IRS1: variants seen among roughly 807,000 people sequenced by gnomAD.
IRS1 encodes insulin receptor substrate 1.
Under a neutral mutation model 65.6 loss-of-function variants are expected in IRS1, and 34 were observed. The observed-to-expected ratio is 0.52, with a 90% confidence interval of 0.39 to 0.69. IRS1 has a LOEUF of 0.69. Among genes scored for constraint, IRS1 ranks in the 30% least tolerant of loss-of-function variants. The pLI, the probability that IRS1 is intolerant of heterozygous loss-of-function variation, is 0.00. For missense variants in IRS1, 1,641 were observed against 1,720.2 expected, an observed-to-expected ratio of 0.95 and a Z score of 0.81; for synonymous variants, 699 against 683.5, an observed-to-expected ratio of 1.02 and a Z score of -0.35.
At chr2:226,759,991 G>A (rs1054698012) in intron 1 of IRS1, among the ~76,000 whole-genome samples, 21 of 152,094 alleles carry the variant, frequency 1.4e-4, no homozygotes, top group African/African-American at 5.1e-4. Context: ...CCTGGCCAAC[G>A]TGGCAAAACC....
At chr2:226,743,526 A>C (rs967665587) in intron 1 of IRS1, among the ~76,000 whole-genome samples, 2 of 152,192 alleles carry the variant, frequency 1.3e-5, no homozygotes. Flanking sequence ...CATCGTGCTC[A>C]GCCAGGAAGC....
chr2:226,791,118 T>C (rs551617484), intron 1 of IRS1, among the ~76,000 whole-genome samples: 2 of 152,296 alleles, frequency 1.3e-5, no homozygotes, highest in African/African-American at 2.4e-5. Flanking sequence ...TCTGGTGCTT[T>C]GCAGTAAAGT....
intron 1 of IRS1, among the ~76,000 whole-genome samples, chr2:226,746,838 G>T: frequency 7.1e-6 from 1 of 140,776 alleles, no homozygotes; most frequent in Non-Finnish European, 1.5e-5. Flanking sequence ...CACCCAGGCT[G>T]GGCTGCAGTG....
intron 1 of IRS1, among the ~76,000 whole-genome samples, chr2:226,775,308 T>C (rs1390448611): frequency 6.6e-6 from 1 of 152,226 alleles, no homozygotes; most frequent in Non-Finnish European, 1.5e-5. Flanking sequence ...TTGTTTCCCA[T>C]GGGGCTAGAG....
In IRS1 at chr2:226,796,248, G is replaced by A; in HGVS notation, c.2491C>T (p.His831Tyr). Residue 831 changes from histidine (H) to tyrosine (Y), a missense_variant, in exon 1 of 2, where the codon CAT (histidine) becomes TAT (tyrosine). Around this residue, in one of 3 missense-constraint regions of IRS1, gnomAD observed 1,324 missense variants for 1,361.0 expected, o/e 0.97. Transcript: ENST00000305123. ...CGARLEPSLPHPHHQVLQPHL... is the reference protein window; with the variant it reads ...CGARLEPSLPYPHHQVLQPHL... ...GGCTGCAGAACCTGATGGTGGGGAT[G>A]TGGAAGGCTGGGCTCCAGCCTAGCC... 1.2e-6 allele frequency: 2 copies of A among 1,613,506 alleles called. No homozygotes were observed. Among genetic ancestry groups the A allele is most frequent in the Non-Finnish European group, 1.7e-6 (2 of 1,179,982 alleles).
intron 1 of IRS1, among the ~76,000 whole-genome samples, chr2:226,750,826 G>A (rs1938663701): frequency 6.6e-6 from 1 of 152,170 alleles, no homozygotes; most frequent in African/African-American, 2.4e-5. Flanking sequence ...AGGATCTGCT[G>A]GGGATTTTGT....
chr2:226,751,485 G>A (rs1445133165), intron 1 of IRS1, among the ~76,000 whole-genome samples: 4 of 151,838 alleles, frequency 2.6e-5, no homozygotes, highest in South Asian at 2.1e-4. Flanking sequence ...GGGTTTCACC[G>A]TGTTAGCCAG....
intron 1 of IRS1, among the ~76,000 whole-genome samples, chr2:226,772,053 G>C (rs2106172215): frequency 6.6e-6 from 1 of 152,196 alleles, no homozygotes; most frequent in East Asian, 1.9e-4. Flanking sequence ...CTGAACAAGA[G>C]ACTCAACACT....
intron 1 of IRS1, among the ~76,000 whole-genome samples, chr2:226,757,213 A>T (rs1938822408): frequency 6.6e-6 from 1 of 152,184 alleles, no homozygotes; most frequent in Admixed American, 6.5e-5. Context: ...AGAAGCTTTC[A>T]CTACTAGAGG....
chr2:226,778,884 CTTCT>C (rs1384869441), intron 1 of IRS1, among the ~76,000 whole-genome samples: 2 of 152,220 alleles, frequency 1.3e-5, no homozygotes, highest in African/African-American at 4.8e-5. Context: ...CTCTTACTTC[CTTCT>C]CTTTTATAAT....
intron 1 of IRS1, among the ~76,000 whole-genome samples, chr2:226,789,582 G>C (rs1428459880): frequency 6.6e-6 from 1 of 152,172 alleles, no homozygotes; most frequent in Non-Finnish European, 1.5e-5. Context: ...GAAGAACACT[G>C]ATGGTACAAA....
At chr2:226,793,257 A>G (rs1939644399) in intron 1 of IRS1, among the ~76,000 whole-genome samples, 1 of 152,216 alleles carries the variant, frequency 6.6e-6, no homozygotes, top group South Asian at 2.1e-4. Flanking sequence ...TATTCTCTTT[A>G]TCTCCTTTAA....
At chr2:226,786,111 T>C (rs141103364) in intron 1 of IRS1, among the ~76,000 whole-genome samples, 6,676 of 148,452 alleles carry the variant, frequency 0.045, 451 homozygotes, top group African/African-American at 0.09. Flanking sequence ...CCATGGTGTA[T>C]ATGTACCACA....
Position 226,795,731 on chromosome 2 carries a change from T to G in IRS1, c.3008A>C (p.Asp1003Ala). 6.2e-7 allele frequency: 1 copy of G among 1,613,386 alleles called. No homozygotes were observed. ...GCTTACAGGGGCAGCTGGCGAGGTG[T>G]CCACGTAGCTCTGACGGGGACAACT... Reference protein sequence around the residue: ...QMSCPRQSYVDTSPAAPVSYA... With the variant: ...QMSCPRQSYVATSPAAPVSYA... Residue 1003 changes from aspartate (D) to alanine (A), a missense_variant, in exon 1 of 2, where the codon GAC becomes GCC. Asp to Ala is a moderately radical substitution (Grantham distance 126). This residue lies in a region of IRS1 where 1,324 missense variants were observed against 1,361.0 expected (regional missense o/e 0.97). Transcript: ENST00000305123.
intron 1 of IRS1, among the ~76,000 whole-genome samples, chr2:226,789,425 C>T (rs1015892244): frequency 2.0e-5 from 3 of 152,200 alleles, no homozygotes; most frequent in Admixed American, 6.5e-5. Flanking sequence ...CTGGACAACA[C>T]TAATTTTGCC....
chr2:226,789,598 C>T (rs994979510), intron 1 of IRS1, among the ~76,000 whole-genome samples: 1 of 152,192 alleles, frequency 6.6e-6, no homozygotes, highest in African/African-American at 2.4e-5. Flanking sequence ...ACAAATGAGA[C>T]ACATTATCCA....
intron 1 of IRS1, among the ~76,000 whole-genome samples, chr2:226,758,656 A>C (rs1420868521): frequency 1.3e-5 from 2 of 152,180 alleles, no homozygotes; most frequent in African/African-American, 4.8e-5. Context: ...ATGATACACA[A>C]TATTTTCTAA....
intron 1 of IRS1, among the ~76,000 whole-genome samples, chr2:226,766,112 CTCTTAATCTTATATATATAT>C (rs1939025170): frequency 1.1e-5 from 1 of 93,678 alleles, no homozygotes; most frequent in African/African-American, 4.1e-5. Context: ...CCAAGGCCCT[CTCTTAATCTTATATATATAT>C]ATATATATAT....
chr2:226,795,301 A>G lies in IRS1; in HGVS notation c.3438T>C (p.Phe1146=), dbSNP rs1939689823. 1.2e-6 allele frequency: 2 copies of G among 1,613,764 alleles called. No individual in the cohort carries two copies. The highest frequency in any genetic ancestry group is 2.7e-5 in the African/African-American group (2 of 74,976). ...EDVKRHSSAS[F]ENVWLRPGEL... is the part of the protein sequence containing the mutation. ...CCCCAGGCCTCAGCCACACATTCTC[A>G]AAGGAAGCAGAGCTGTGGCGTTTCA... Residue 1146 remains phenylalanine, a synonymous_variant, in exon 1 of 2, where the codon TTT becomes TTC. Transcript: ENST00000305123.
Sources: allele counts gnomAD v4.1 joint callset (sites outside exome capture counted in the v4.1 genomes callset), GRCh38; gene constraint gnomAD v4.1.1; regional missense constraint gnomAD v4.1.1; transcripts MANE v1.5; gene names NCBI Gene and HGNC (gene_info 2026-07-23, HGNC 2026-07-21).